NOX3: variants seen among roughly 807,000 people sequenced by gnomAD.
NOX3 encodes NADPH oxidase catalytic subunit-like 3.
Under a neutral mutation model 76.7 loss-of-function variants are expected in NOX3, and 74 were observed. That is an observed-to-expected ratio of 0.96 (90% CI 0.80 to 1.17). The LOEUF (loss-of-function observed/expected upper bound fraction) is 1.17. Among genes scored for constraint, NOX3 ranks in the 50% most tolerant of loss-of-function variants. NOX3 has a pLI of 0.00. For synonymous variants in NOX3, 263 were observed against 261.1 expected (o/e 1.01, Z -0.07); for missense variants, 695 against 703.3 (o/e 0.99, Z 0.13).
intron 9 of NOX3, among the ~76,000 whole-genome samples, chr6:155,427,715 AT>A (rs914859045): frequency 6.6e-6 from 1 of 151,668 alleles, no homozygotes; most frequent in Non-Finnish European, 1.5e-5. Flanking sequence ...TGTTTTTCTC[AT>A]TTTTTTTGGT....
chr6:155,441,986 C>T (rs62429664), intron 5 of NOX3, among the ~76,000 whole-genome samples: 9,889 of 152,202 alleles, frequency 0.065, 407 homozygotes, highest in Non-Finnish European at 0.094. Context: ...TAGCTCAAGC[C>T]GAGCGCGGTG....
At chr6:155,429,453 C>CT (rs1776803772) in intron 8 of NOX3, among the ~76,000 whole-genome samples, 2 of 152,152 alleles carry the variant, frequency 1.3e-5, no homozygotes, top group African/African-American at 2.4e-5. Flanking sequence ...ATTTTGTTAC[C>CT]TTTTTCAATG....
intron 4 of NOX3, among the ~76,000 whole-genome samples, chr6:155,450,305 T>C (rs1777117640): frequency 6.6e-6 from 1 of 152,214 alleles, no homozygotes; most frequent in Non-Finnish European, 1.5e-5. Context: ...AATGTGAATG[T>C]ATTATCTTGG....
intron 10 of NOX3, among the ~76,000 whole-genome samples, chr6:155,413,906 G>A (rs973921374): frequency 6.6e-6 from 1 of 152,152 alleles, no homozygotes; most frequent in South Asian, 2.1e-4. Flanking sequence ...TTCAAATCTA[G>A]TCCCAGTCGT....
chr6:155,429,074 C>A, intron 8 of NOX3, 27 bp from the exon 9 acceptor site: 6 of 1,498,296 alleles, frequency 4.0e-6, no homozygotes, highest in Non-Finnish European at 5.4e-6. Flanking sequence ...GAGTTGTTTG[C>A]CTTTGTCCTC....
chr6:155,443,465 C>T (rs1480906934), intron 4 of NOX3, 47 bp from the exon 5 acceptor site: 2 of 1,589,458 alleles, frequency 1.3e-6, no homozygotes, highest in South Asian at 1.1e-5. Context: ...GGCTTGCTTT[C>T]TCCCTAGTTA....
At chr6:155,428,679 GT>G (rs1165100695) in intron 9 of NOX3, 114 bp downstream of exon 9, 4 of 1,017,484 alleles carry the variant, frequency 3.9e-6, no homozygotes, top group Admixed American at 6.0e-5. Flanking sequence ...TTTAGACACA[GT>G]CTCAAACTCA....
intron 11 of NOX3, among the ~76,000 whole-genome samples, chr6:155,407,716 G>A (rs987754845): frequency 5.3e-5 from 8 of 152,194 alleles, no homozygotes; most frequent in South Asian, 2.1e-4. Flanking sequence ...GGAAGAAACT[G>A]CATCTTACAA....
chr6:155,430,007 A>C (rs1172160736), intron 8 of NOX3, among the ~76,000 whole-genome samples: 2 of 152,226 alleles, frequency 1.3e-5, no homozygotes, highest in Admixed American at 6.5e-5. Context: ...TAAAAACAGC[A>C]ACACAGAAAC....
chr6:155,442,061 A>G lies in NOX3; in HGVS notation c.486+1212T>C, dbSNP rs570857658. Among the ~76,000 whole-genome samples the G allele has an allele frequency of 1.7e-3, 258 of 152,228 alleles. 2 individuals carry two copies. The highest frequency in any genetic ancestry group is 5.2e-3 in the African/African-American group (214 of 41,552). On this transcript the variant is annotated intron_variant, in intron 5 of 13. Transcript: ENST00000159060. ...GGGCGGATCACGAGGTCAGGCGATC[A>G]AGACCATCCTGGCTAACACAGTGAA...
chr6:155,399,405 C>T (rs566787300), intron 12 of NOX3, among the ~76,000 whole-genome samples: 3 of 152,258 alleles, frequency 2.0e-5, no homozygotes, highest in African/African-American at 7.2e-5. Flanking sequence ...TCACAGCTCC[C>T]CTGAGTCTTT....
At chr6:155,416,712 C>A (rs1483924348) in intron 10 of NOX3, among the ~76,000 whole-genome samples, 1 of 148,362 alleles carries the variant, frequency 6.7e-6, no homozygotes, top group Non-Finnish European at 1.5e-5. Context: ...AGTTAATAAT[C>A]CTTGTTGGAC....
At chr6:155,397,305 T>C (rs752341610) in intron 12 of NOX3, among the ~76,000 whole-genome samples, 53 of 152,094 alleles carry the variant, frequency 3.5e-4, no homozygotes, top group Admixed American at 7.9e-4. Context: ...ATACAGTCCA[T>C]AGAGCCTAAA....
At chr6:155,417,547 A>G (rs1776636748) in intron 10 of NOX3, among the ~76,000 whole-genome samples, 1 of 152,208 alleles carries the variant, frequency 6.6e-6, no homozygotes, top group African/African-American at 2.4e-5. Context: ...CTCCGAGGAA[A>G]GACAAGAAGC....
intron 1 of NOX3, among the ~76,000 whole-genome samples, chr6:155,455,538 T>A (rs986925855): frequency 1.3e-5 from 2 of 152,210 alleles, no homozygotes; most frequent in African/African-American, 4.8e-5. Flanking sequence ...ACTACTTGAC[T>A]TTAAAAATAA....
intron 10 of NOX3, among the ~76,000 whole-genome samples, chr6:155,416,913 G>C (rs914175931): frequency 1.8e-4 from 27 of 151,914 alleles, no homozygotes; most frequent in Admixed American, 1.8e-3. Context: ...ACCACGCCCG[G>C]CTAATTTTTG....
chr6:155,403,936 A>AAATG (rs1779267257), intron 12 of NOX3, among the ~76,000 whole-genome samples: 1 of 152,002 alleles, frequency 6.6e-6, no homozygotes, highest in African/African-American at 2.4e-5. Context: ...ATAAATAAAT[A>AAATG]AATAATAAAC....
chr6:155,410,482 G>C (rs778009096), intron 11 of NOX3, among the ~76,000 whole-genome samples: 2 of 152,088 alleles, frequency 1.3e-5, no homozygotes, highest in East Asian at 3.8e-4. Context: ...TAATCACTTC[G>C]TTGTTAATTC....
chr6:155,403,256 A>G (rs1260183678), intron 12 of NOX3, among the ~76,000 whole-genome samples: 1 of 152,236 alleles, frequency 6.6e-6, no homozygotes, highest in Non-Finnish European at 1.5e-5. Context: ...AAACAAAATT[A>G]TTTTAAGGAG....
Sources: gnomAD v4.1 joint callset for allele counts (sites outside exome capture counted in the v4.1 genomes callset) on GRCh38, gnomAD v4.1.1 for gene constraint, MANE v1.5 for transcripts, NCBI Gene and HGNC (gene_info 2026-07-23, HGNC 2026-07-21) for gene names.